ANKRD13C: variants seen among roughly 807,000 people sequenced by gnomAD.
ANKRD13C encodes the protein ankyrin repeat domain-containing protein 13C.
Under a neutral mutation model 65.5 loss-of-function variants are expected in ANKRD13C, and 16 were observed. The observed-to-expected ratio is 0.24, with a 90% CI of 0.17 to 0.37. The LOEUF (loss-of-function observed/expected upper bound fraction) is 0.37. ANKRD13C is among the 10% of genes least tolerant of loss of function. The pLI is 1.00. For synonymous variants in ANKRD13C, 235 were observed against 238.7 expected, an observed-to-expected ratio of 0.98 and a Z score of 0.14; for missense variants, 503 against 655.9, an observed-to-expected ratio of 0.77 and a Z score of 2.55.
At chr1:70,311,293 G>C (rs1235173352) in intron 5 of ANKRD13C, among the ~76,000 whole-genome samples, 1 of 152,120 alleles carries the variant, frequency 6.6e-6, no homozygotes, top group Non-Finnish European at 1.5e-5. Context: ...AGGAGTTCGA[G>C]ACCAGCCTGG....
chr1:70,303,414 C>A (rs1220847010), intron 6 of ANKRD13C, among the ~76,000 whole-genome samples: 1 of 151,962 alleles, frequency 6.6e-6, no homozygotes, highest in Non-Finnish European at 1.5e-5. Flanking sequence ...AAGAAGAAAG[C>A]CTGAAAAAAT....
chr1:70,296,306 A>C, intron 7 of ANKRD13C, 45 bp from the exon 8 acceptor site: 1 of 1,586,892 alleles, frequency 6.3e-7, no homozygotes. Context: ...AGGTTTTTCA[A>C]AAGTTCTTAG....
chr1:70,301,638 G>C (rs996018331), intron 6 of ANKRD13C, among the ~76,000 whole-genome samples: 2 of 152,106 alleles, frequency 1.3e-5, no homozygotes, highest in Non-Finnish European at 2.9e-5. Context: ...AAACCTTACA[G>C]ATCATTCTGT....
intron 1 of ANKRD13C, among the ~76,000 whole-genome samples, chr1:70,339,812 TTTATTATTATTA>T (rs146940723): frequency 0.027 from 3,618 of 133,846 alleles, 69 homozygotes; most frequent in Middle Eastern, 0.066. Context: ...GATCAGTACG[TTTATTATTATTA>T]TTATTATTAT....
intron 5 of ANKRD13C, among the ~76,000 whole-genome samples, chr1:70,312,508 T>C (rs1680891334): frequency 1.3e-5 from 2 of 151,974 alleles, no homozygotes; most frequent in Non-Finnish European, 2.9e-5. Flanking sequence ...TTTAAATGTA[T>C]AGAGAAAACT....
At chr1:70,298,063 G>A (rs960912134) in intron 7 of ANKRD13C, among the ~76,000 whole-genome samples, 1 of 151,976 alleles carries the variant, frequency 6.6e-6, no homozygotes, top group Admixed American at 6.6e-5. Context: ...TGTATTCCTG[G>A]TAACCCAAAT....
At chr1:70,340,108 C>A (rs897761245) in intron 1 of ANKRD13C, among the ~76,000 whole-genome samples, 25 of 151,976 alleles carry the variant, frequency 1.6e-4, no homozygotes, top group African/African-American at 6.0e-4. Context: ...CCTTGCCCTT[C>A]CAAAATATTG....
At chr1:70,338,424 CAG>C (rs1202801916) in intron 1 of ANKRD13C, among the ~76,000 whole-genome samples, 7 of 151,868 alleles carry the variant, frequency 4.6e-5, no homozygotes, top group Admixed American at 2.0e-4. Context: ...GTGTGTGAGA[CAG>C]AGTCTCCTTC....
At chr1:70,347,638 A>T (rs1271448090) in intron 1 of ANKRD13C, among the ~76,000 whole-genome samples, 1 of 152,224 alleles carries the variant, frequency 6.6e-6, no homozygotes, top group Non-Finnish European at 1.5e-5. Context: ...AACATTTGTA[A>T]GCAGTGGGTG....
Position 70,311,812 on chromosome 1 carries a change from A to C in ANKRD13C, c.709+1933T>G, listed in dbSNP as rs1454899836. On this transcript the variant is annotated intron_variant, in intron 5 of 12. Transcript: ENST00000370944. Reference sequence around the variant, plus strand: ...TTAGTCAAAGCTAACTAAAAAGCATAATACAATTTTTAGAAATGTATACAG... The same window carrying C: ...TTAGTCAAAGCTAACTAAAAAGCATCATACAATTTTTAGAAATGTATACAG... 3.3e-5 allele frequency among the ~76,000 whole-genome samples: 5 copies of C among 152,338 alleles called. No individual in the cohort carries two copies. In the East Asian group the frequency reaches 9.6e-4, roughly 29 times the overall value.
intron 3 of ANKRD13C, among the ~76,000 whole-genome samples, chr1:70,318,232 T>C (rs1239050845): frequency 6.6e-6 from 1 of 152,188 alleles, no homozygotes; most frequent in African/African-American, 2.4e-5. Context: ...TGATTAACAA[T>C]GAAGATTAAA....
intron 2 of ANKRD13C, among the ~76,000 whole-genome samples, chr1:70,332,907 T>C (rs909998309): frequency 1.3e-5 from 2 of 152,162 alleles, no homozygotes; most frequent in East Asian, 1.9e-4. Flanking sequence ...AGATGGCAGA[T>C]AGGCTTCATT....
chr1:70,274,699 T>C (rs2101134965), intron 11 of ANKRD13C, 21 bp downstream of exon 11: 1 of 1,516,568 alleles, frequency 6.6e-7, no homozygotes, highest in Middle Eastern at 1.7e-4. Context: ...CATAAACATT[T>C]GTAGTTAGTA....
At chr1:70,322,626 G>A (rs879313690) in intron 3 of ANKRD13C, among the ~76,000 whole-genome samples, 3 of 152,124 alleles carry the variant, frequency 2.0e-5, no homozygotes, top group Admixed American at 6.5e-5. Flanking sequence ...AAGAGACCAG[G>A]TCTTTTATTC....
chr1:70,350,424 C>A (rs928562368), intron 1 of ANKRD13C, among the ~76,000 whole-genome samples: 12 of 152,106 alleles, frequency 7.9e-5, no homozygotes, highest in African/African-American at 2.7e-4. Flanking sequence ...GGAATGGATA[C>A]AAAAGTTAGG....
chr1:70,340,903 G>A (rs1558312905), intron 1 of ANKRD13C, among the ~76,000 whole-genome samples: 1 of 152,112 alleles, frequency 6.6e-6, no homozygotes, highest in Non-Finnish European at 1.5e-5. Flanking sequence ...ACGAGCTCAG[G>A]AGCTTGAGAC....
intron 2 of ANKRD13C, among the ~76,000 whole-genome samples, chr1:70,333,959 T>A (rs1198238282): frequency 6.6e-6 from 1 of 152,102 alleles, no homozygotes; most frequent in African/African-American, 2.4e-5. Context: ...ATCTTACTTG[T>A]TAAGAAGAAA....
chr1:70,272,418 C>G (rs2101124758), intron 11 of ANKRD13C, among the ~76,000 whole-genome samples: 1 of 151,960 alleles, frequency 6.6e-6, no homozygotes, highest in African/African-American at 2.4e-5. Context: ...CGGGGTTTCT[C>G]CATGTTGGTC....
intron 6 of ANKRD13C, among the ~76,000 whole-genome samples, chr1:70,302,690 C>T (rs1263633873): frequency 2.6e-5 from 3 of 115,360 alleles, no homozygotes; most frequent in Non-Finnish European, 5.0e-5. Context: ...CCCGCCACTG[C>T]ACTCCAGCCT....
Sources: gnomAD v4.1 joint callset for allele counts (sites outside exome capture counted in the v4.1 genomes callset) on GRCh38, gnomAD v4.1.1 for gene constraint, MANE v1.5 for transcripts, NCBI Gene and HGNC (gene_info 2026-07-23, HGNC 2026-07-21) for gene names.